Variants in FRMPD4 observed in about 807,000 individuals in gnomAD.
FRMPD4 encodes FERM and PDZ domain-containing protein 4.
Under a neutral mutation model 94.1 loss-of-function variants are expected in FRMPD4, and 22 were observed. The ratio of observed to expected loss-of-function variants is 0.23; its 90% CI spans 0.17 to 0.33. The LOEUF is 0.33. Ranked by LOEUF, FRMPD4 falls within the 10% of genes least tolerant of loss-of-function variation. The pLI, the probability that FRMPD4 is intolerant of heterozygous loss-of-function variation, is 1.00. For synonymous variants in FRMPD4, 631 were observed against 548.6 expected (o/e 1.15, Z -2.10); for missense variants, 1,111 against 1,339.9 (o/e 0.83, Z 2.67).
At chrX:11,905,018 A>T (rs1468353107) in intron 3 of FRMPD4, among the ~76,000 whole-genome samples, 2 of 111,981 alleles carry the variant, frequency 1.8e-5, no homozygotes, top group Admixed American at 1.9e-4. Flanking sequence ...AGCCCAGAGG[A>T]TGAGTCTAAA....
At chrX:12,306,288 T>C (rs927615863) in intron 1 of FRMPD4, among the ~76,000 whole-genome samples, 1 of 111,558 alleles carries the variant, frequency 9.0e-6, no homozygotes, top group African/African-American at 3.3e-5. Context: ...ATTCAATTCT[T>C]ATCTTTCTTT....
intron 3 of FRMPD4, among the ~76,000 whole-genome samples, chrX:12,095,728 C>T (rs189357602): frequency 1.8e-5 from 2 of 112,439 alleles, no homozygotes. Context: ...CACAGAAAGT[C>T]TGCCTCCTGG....
At chrX:12,222,784 T>C (rs1217792924) in intron 1 of FRMPD4, among the ~76,000 whole-genome samples, 1 of 112,369 alleles carries the variant, frequency 8.9e-6, no homozygotes, top group Admixed American at 9.5e-5. Flanking sequence ...AGTGTATTGT[T>C]CTTGATGTTC....
rs2056885840 is a variant in FRMPD4, at chrX:12,222,998, G to C, written c.41+83986G>C. Among the ~76,000 whole-genome samples the C allele has an allele frequency of 2.7e-5, 3 of 111,957 alleles. 1 individual carries two copies. ...GTGGGCATACATTTTTATATCTCTT[G>C]GGTAAATAACTAGAAATGGAATTGC... On this transcript the variant is annotated intron_variant, in intron 1 of 16. Transcript: ENST00000675598.
At chrX:12,633,108 G>T (rs1470860615) in intron 4 of FRMPD4, among the ~76,000 whole-genome samples, 1 of 111,892 alleles carries the variant, frequency 8.9e-6, no homozygotes, top group Non-Finnish European at 1.9e-5. Flanking sequence ...CTGTGTACAG[G>T]ATTCTATACT....
At chrX:12,436,221 T>A (rs962970262) in intron 1 of FRMPD4, among the ~76,000 whole-genome samples, 7 of 111,231 alleles carry the variant, frequency 6.3e-5, no homozygotes, top group African/African-American at 1.6e-4. Flanking sequence ...GCCTGAGCGG[T>A]CTCAAACTCC....
intron 3 of FRMPD4, among the ~76,000 whole-genome samples, chrX:11,932,224 G>A (rs1272542894): frequency 8.9e-6 from 1 of 111,789 alleles, no homozygotes; most frequent in Non-Finnish European, 1.9e-5. Context: ...TAAAACTGTT[G>A]CAGGCATGAA....
chrX:12,699,166 C>T (rs2060163138), intron 9 of FRMPD4, among the ~76,000 whole-genome samples: 2 of 111,682 alleles, frequency 1.8e-5, no homozygotes, highest in South Asian at 7.5e-4. Context: ...ATAAAATGAC[C>T]CTATCTAGGC....
chrX:12,498,612 C>T, intron 1 of FRMPD4, 68 bp from the exon 2 acceptor site: 1 of 630,257 alleles, frequency 1.6e-6, no homozygotes, highest in South Asian at 2.2e-5. Context: ...ATTCTCCTTC[C>T]AGAGTTTGTC....
At chrX:12,354,494 C>G (rs745889569) in intron 1 of FRMPD4, among the ~76,000 whole-genome samples, 1 of 112,202 alleles carries the variant, frequency 8.9e-6, no homozygotes, top group East Asian at 2.8e-4. Context: ...TACACAAAAG[C>G]CTGAACAAAG....
chrX:12,177,934 G>A lies in FRMPD4; in HGVS notation c.41+38922G>A, dbSNP rs934816815. ...TGTAGTTGATTTCATTCATCTTTCCGTTTCTGCACTGTCACTTTTGTTACC... is the reference window on the plus strand; with the variant it reads ...TGTAGTTGATTTCATTCATCTTTCCATTTCTGCACTGTCACTTTTGTTACC... On this transcript the variant is annotated intron_variant, in intron 1 of 16. Transcript: ENST00000675598. Among the ~76,000 whole-genome samples the A allele has an allele frequency of 9.0e-5, 10 of 111,582 alleles. 1 individual carries two copies. The highest frequency in any genetic ancestry group is 2.8e-4 in the East Asian group (1 of 3,566).
At chrX:12,663,665 G>C (rs2059742834) in intron 4 of FRMPD4, among the ~76,000 whole-genome samples, 1 of 112,152 alleles carries the variant, frequency 8.9e-6, no homozygotes, top group African/African-American at 3.2e-5. Flanking sequence ...TTTTTGCTTA[G>C]GATTGTCTTG....
chrX:12,195,448 C>G (rs868270546), intron 1 of FRMPD4, among the ~76,000 whole-genome samples: 2 of 112,070 alleles, frequency 1.8e-5, no homozygotes, highest in Non-Finnish European at 3.8e-5. Context: ...ACAGGCTTGC[C>G]GTGTTTGTCC....
intron 1 of FRMPD4, among the ~76,000 whole-genome samples, chrX:12,239,511 A>G (rs2057105693): frequency 8.9e-6 from 1 of 112,290 alleles, no homozygotes; most frequent in Non-Finnish European, 1.9e-5. Context: ...CACAGTAAAA[A>G]TTATTTCTTA....
intron 3 of FRMPD4, among the ~76,000 whole-genome samples, chrX:12,092,574 T>C (rs1418624373): frequency 1.8e-5 from 2 of 111,822 alleles, no homozygotes; most frequent in African/African-American, 6.5e-5. Flanking sequence ...ACAAATGTGG[T>C]GCTGGAGGAG....
chrX:12,155,493 A>C (rs747766679), intron 1 of FRMPD4, among the ~76,000 whole-genome samples: 2 of 101,477 alleles, frequency 2.0e-5, no homozygotes, highest in African/African-American at 7.4e-5. Context: ...CTGGGTTTTG[A>C]CATCTTTTTG....
Position 11,881,881 on chromosome X carries a change from G to A in FRMPD4, c.95+3863G>A, listed in dbSNP as rs756669647. Among the ~76,000 whole-genome samples, 222 of 111,967 alleles carry A rather than the reference G, an allele frequency of 2.0e-3. 1 individual carries two copies. The highest frequency in any genetic ancestry group is 2.1e-3 in the Non-Finnish European group (110 of 53,193). On this transcript the variant is annotated intron_variant, in intron 3 of 18. Transcript: ENST00000640291. ...ACGAATAAGTATAATACAGTGCAGT[G>A]AATGCAGCGATTAAGACTAAGACAT... is the stretch of plus-strand genomic sequence containing the variant.
intron 2 of FRMPD4, among the ~76,000 whole-genome samples, chrX:12,523,426 C>T (rs943819182): frequency 9.0e-6 from 1 of 111,727 alleles, no homozygotes; most frequent in African/African-American, 3.3e-5. Flanking sequence ...TTGTTGTATT[C>T]CTGACAGTTG....
At chrX:12,210,621 ACATTTGAAAGTAG>A in intron 1 of FRMPD4, among the ~76,000 whole-genome samples, 1 of 111,283 alleles carries the variant, frequency 9.0e-6, no homozygotes, top group Non-Finnish European at 1.9e-5. Flanking sequence ...TTCTTAACTT[ACATTTGAAAGTAG>A]CTTGGCGGTG....
Sources: gnomAD v4.1 joint callset for allele counts (sites outside exome capture counted in the v4.1 genomes callset) on GRCh38, gnomAD v4.1.1 for gene constraint, MANE v1.5 for transcripts, NCBI Gene and HGNC (gene_info 2026-07-23, HGNC 2026-07-21) for gene names.